The following PRKCA variants were observed in gnomAD, a reference collection of about 807,000 sequenced individuals.
The protein encoded by PRKCA is protein kinase C alpha.
A neutral mutation model predicts 87.0 loss-of-function variants in PRKCA; 27 were observed. The observed-to-expected ratio is 0.31, with a 90% CI of 0.23 to 0.43. The LOEUF is 0.43. Ranked by LOEUF, PRKCA falls within the 20% of genes least tolerant of loss-of-function variation. PRKCA has a pLI of 1.00. For missense variants in PRKCA, 518 were observed against 852.3 expected, an observed-to-expected ratio of 0.61 and a Z score of 4.88; for synonymous variants, 329 against 311.1, an observed-to-expected ratio of 1.06 and a Z score of -0.61.
intron 13 of PRKCA, among the ~76,000 whole-genome samples, chr17:66,758,011 C>T (rs1974597034): frequency 6.6e-6 from 1 of 152,208 alleles, no homozygotes; most frequent in African/African-American, 2.4e-5. Flanking sequence ...AGGCGTGAGC[C>T]ACTGCGCCCG....
At chr17:66,662,142 A>G (rs1598854183) in intron 5 of PRKCA, among the ~76,000 whole-genome samples, 1 of 152,222 alleles carries the variant, frequency 6.6e-6, no homozygotes, top group Non-Finnish European at 1.5e-5. Context: ...AATCATCGCC[A>G]CAAGGCCCTC....
chr17:66,434,296 T>C (rs1567826640), intron 2 of PRKCA, among the ~76,000 whole-genome samples: 2 of 151,958 alleles, frequency 1.3e-5, no homozygotes, highest in Non-Finnish European at 2.9e-5. Flanking sequence ...CAGCCCGTCT[T>C]CATTAGACTT....
In PRKCA at chr17:66,419,337, C is replaced by A. The variant is rs565320040; in HGVS notation, c.206-76864C>A. 2.6e-5 allele frequency among the ~76,000 whole-genome samples: 4 copies of A among 152,134 alleles called. No individual in the cohort carries two copies. In the South Asian group the frequency reaches 8.3e-4, roughly 32 times the overall value. ...GAATGGGTTTGAAAAACCTCAGTAC[C>A]CTTTAATACATGTACATTTCTTTCC... On this transcript the variant is annotated intron_variant, in intron 2 of 16. Coordinates refer to ENST00000413366, the MANE Select transcript of PRKCA (RefSeq NM_002737.3).
chr17:66,680,635 A>G (rs188183722), intron 5 of PRKCA, among the ~76,000 whole-genome samples: 1 of 152,314 alleles, frequency 6.6e-6, no homozygotes, highest in East Asian at 1.9e-4. Context: ...CAGTGCTGAC[A>G]AGTCTGGTCC....
intron 2 of PRKCA, among the ~76,000 whole-genome samples, chr17:66,492,874 G>T (rs1001179880): frequency 3.3e-5 from 5 of 152,192 alleles, no homozygotes; most frequent in African/African-American, 1.2e-4. Flanking sequence ...CAGCCAAGAG[G>T]GCTGTTTTCT....
At chr17:66,427,723 A>G (rs1025087234) in intron 2 of PRKCA, among the ~76,000 whole-genome samples, 7 of 152,238 alleles carry the variant, frequency 4.6e-5, no homozygotes, top group African/African-American at 1.7e-4. Flanking sequence ...GATTTATAAC[A>G]TCAAGTGCAG....
At chr17:66,392,833 T>A (rs1200150265) in intron 2 of PRKCA, among the ~76,000 whole-genome samples, 1 of 152,212 alleles carries the variant, frequency 6.6e-6, no homozygotes, top group Non-Finnish European at 1.5e-5. Context: ...CAGCTTTTTC[T>A]ACCATATAAT....
intron 2 of PRKCA, among the ~76,000 whole-genome samples, chr17:66,455,773 A>G (rs957525543): frequency 2.0e-5 from 3 of 152,148 alleles, no homozygotes; most frequent in Non-Finnish European, 4.4e-5. Flanking sequence ...GTAAATGAAC[A>G]TCTGAGAAGG....
chr17:66,509,927 C>A (rs146344552), intron 3 of PRKCA, among the ~76,000 whole-genome samples: 1 of 152,104 alleles, frequency 6.6e-6, no homozygotes, highest in African/African-American at 2.4e-5. Context: ...AAAATGAAGT[C>A]TTTGATTCCC....
chr17:66,497,838 G>A lies in PRKCA; in HGVS notation c.288+1555G>A, dbSNP rs113467713. Among the ~76,000 whole-genome samples the A allele has an allele frequency of 2.8e-3, 428 of 152,306 alleles. 5 individuals carry two copies. Among genetic ancestry groups the A allele is most frequent in the African/African-American group, 9.8e-3 (407 of 41,558 alleles). Reference sequence around the variant, plus strand: ...TGTGCTCTGAGGGATTCCGATTTGCGTTGTTGTAACACAAGTAAGAAGGAA... The same window carrying A: ...TGTGCTCTGAGGGATTCCGATTTGCATTGTTGTAACACAAGTAAGAAGGAA... On this transcript the variant is annotated intron_variant, in intron 3 of 16. Coordinates refer to ENST00000413366, the MANE Select transcript of PRKCA (RefSeq NM_002737.3).
intron 2 of PRKCA, among the ~76,000 whole-genome samples, chr17:66,333,028 A>G (rs1189640409): frequency 6.6e-6 from 1 of 152,160 alleles, no homozygotes. Flanking sequence ...TTGTGATTTA[A>G]GAATCTGGCT....
At chr17:66,473,124 C>T (rs1159820533) in intron 2 of PRKCA, among the ~76,000 whole-genome samples, 1 of 152,148 alleles carries the variant, frequency 6.6e-6, no homozygotes, top group African/African-American at 2.4e-5. Flanking sequence ...TCTTCTCCTG[C>T]TCCAGTATTG....
intron 5 of PRKCA, among the ~76,000 whole-genome samples, chr17:66,676,085 C>G (rs1056995834): frequency 3.1e-4 from 47 of 152,114 alleles, no homozygotes; most frequent in Admixed American, 3.1e-3. Context: ...AGTTCTGGCT[C>G]CCGGTGCAGA....
chr17:66,335,394 CA>C (rs977135442), intron 2 of PRKCA, among the ~76,000 whole-genome samples: 2 of 151,988 alleles, frequency 1.3e-5, no homozygotes, highest in African/African-American at 2.4e-5. Flanking sequence ...CTTGGCCTCT[CA>C]AAGTGCTGGG....
intron 5 of PRKCA, among the ~76,000 whole-genome samples, chr17:66,682,332 A>G (rs1972515287): frequency 6.6e-6 from 1 of 152,272 alleles, no homozygotes; most frequent in South Asian, 2.1e-4. Context: ...AGCCAAAAAA[A>G]TGAGAATATA....
chr17:66,662,897 A>G (rs1971946002), intron 5 of PRKCA, among the ~76,000 whole-genome samples: 1 of 152,060 alleles, frequency 6.6e-6, no homozygotes, highest in Non-Finnish European at 1.5e-5. Context: ...ATGAACTCCT[A>G]GTAGCTCCTG....
chr17:66,553,986 G>A (rs1458059027), intron 3 of PRKCA, among the ~76,000 whole-genome samples: 1 of 152,160 alleles, frequency 6.6e-6, no homozygotes, highest in Non-Finnish European at 1.5e-5. Flanking sequence ...TTCAGAGGCT[G>A]GGGTACAGCA....
At chr17:66,304,111 A>T (rs113903174) in intron 1 of PRKCA, among the ~76,000 whole-genome samples, 2 of 152,324 alleles carry the variant, frequency 1.3e-5, no homozygotes, top group African/African-American at 4.8e-5. Context: ...GTCAGAGATC[A>T]GGTAATCGCC....
intron 8 of PRKCA, among the ~76,000 whole-genome samples, chr17:66,709,000 A>T (rs971938570): frequency 6.6e-6 from 1 of 152,198 alleles, no homozygotes; most frequent in Admixed American, 6.5e-5. Context: ...AAGATAACCC[A>T]TACCTGGTAA....
Sources: allele counts gnomAD v4.1 joint callset (sites outside exome capture counted in the v4.1 genomes callset), GRCh38; gene constraint gnomAD v4.1.1; transcripts MANE v1.5; gene names NCBI Gene and HGNC (gene_info 2026-07-23, HGNC 2026-07-21).